The following ANKS1B variants were observed in gnomAD, a reference collection of about 807,000 sequenced individuals.
The protein encoded by ANKS1B is ankyrin repeat and sterile alpha motif domain containing 1B, also known as ankyrin repeat and sterile alpha motif domain-containing protein 1B.
A neutral mutation model predicts 148.3 loss-of-function variants in ANKS1B; 36 were observed. The observed-to-expected ratio is 0.24, with a 90% confidence interval of 0.19 to 0.32. The LOEUF is 0.32. ANKS1B is among the 10% of genes least tolerant of loss of function. ANKS1B has a pLI of 1.00. For synonymous variants in ANKS1B, 542 were observed against 560.8 expected (o/e 0.97, Z 0.47); for missense variants, 1,157 against 1,542.6 (o/e 0.75, Z 4.19).
At chr12:99,979,656 G>C (rs1461561732) in intron 1 of ANKS1B, among the ~76,000 whole-genome samples, 1 of 152,078 alleles carries the variant, frequency 6.6e-6, no homozygotes, top group Non-Finnish European at 1.5e-5. Context: ...ATGGCTCACT[G>C]CCAGAAACAA....
At chr12:99,554,729 T>A (rs1032694575) in intron 9 of ANKS1B, among the ~76,000 whole-genome samples, 2 of 152,170 alleles carry the variant, frequency 1.3e-5, no homozygotes, top group Non-Finnish European at 2.9e-5. Flanking sequence ...CAAGGTTACA[T>A]GTGCAGTTTT....
intron 1 of ANKS1B, among the ~76,000 whole-genome samples, chr12:99,983,716 A>C (rs999683849): frequency 2.0e-5 from 3 of 152,220 alleles, no homozygotes; most frequent in African/African-American, 7.2e-5. Flanking sequence ...CATGCACGCA[A>C]GAGATTCTCT....
At chr12:99,891,798 A>G (rs2093125206) in intron 1 of ANKS1B, among the ~76,000 whole-genome samples, 1 of 152,146 alleles carries the variant, frequency 6.6e-6, no homozygotes, top group African/African-American at 2.4e-5. Context: ...ATGCTTTTAG[A>G]AAAAAATCTT....
rs376636634 is a variant in ANKS1B, at chr12:99,839,851, AG to A, written c.135-14463del. On this transcript the variant is annotated intron_variant, in intron 1 of 26. Transcript: ENST00000683438. ...TATTGCCTTGTTATTTTAATTCCTAAGTAATTTAGTTCTTTATTACTATTCC... is the reference window on the plus strand; with the variant it reads ...TATTGCCTTGTTATTTTAATTCCTAATAATTTAGTTCTTTATTACTATTCC... 8.0e-3 allele frequency among the ~76,000 whole-genome samples: 1,211 copies of A among 152,248 alleles called. 60 individuals are homozygous for A. The South Asian group carries it at 0.15, about 19-fold the overall frequency.
At chr12:99,371,653 C>T (rs1018583043) in intron 12 of ANKS1B, among the ~76,000 whole-genome samples, 1 of 152,054 alleles carries the variant, frequency 6.6e-6, no homozygotes, top group Non-Finnish European at 1.5e-5. Context: ...AATGTACTCC[C>T]TCATCTGTGA....
At chr12:99,130,324 T>C (rs760928669) in intron 15 of ANKS1B, among the ~76,000 whole-genome samples, 4 of 152,240 alleles carry the variant, frequency 2.6e-5, no homozygotes, top group Non-Finnish European at 5.9e-5. Flanking sequence ...ATTGATTTTT[T>C]TTCTTCTGCA....
chr12:99,443,836 A>G, intron 10 of ANKS1B, 27 bp from the exon 11 acceptor site: 2 of 1,589,790 alleles, frequency 1.3e-6, no homozygotes, highest in Non-Finnish European at 1.7e-6. Context: ...AACTGCCATG[A>G]ACCTAATCAC....
Position 99,984,249 on chromosome 12 carries a change from G to T in ANKS1B, c.-12C>A. The T allele has an allele frequency of 6.2e-7, 1 of 1,610,318 alleles. No homozygotes were observed. The highest frequency in any genetic ancestry group is 8.5e-7 in the Non-Finnish European group (1 of 1,178,008). On this transcript the variant is annotated 5_prime_UTR_variant, in exon 1 of 27. Transcript: ENST00000683438. ...TGGTCCTTCCCCATAGTCTCTCACC[G>T]ACTCCCCCACAGAGTCCTTGCCCCC...
chr12:99,289,318 G>A (rs2079579944), intron 12 of ANKS1B, among the ~76,000 whole-genome samples: 1 of 151,970 alleles, frequency 6.6e-6, no homozygotes, highest in African/African-American at 2.4e-5. Context: ...TACAATAACA[G>A]CTGGAGGCAT....
At chr12:99,297,989 C>A (rs531274841) in intron 12 of ANKS1B, among the ~76,000 whole-genome samples, 1 of 151,658 alleles carries the variant, frequency 6.6e-6, no homozygotes, top group Non-Finnish European at 1.5e-5. Flanking sequence ...TGTGTCTGTA[C>A]GTGTGGCCTT....
intron 16 of ANKS1B, chr12:99,083,916 T>C (rs1399449467): frequency 1.3e-5 from 2 of 152,098 alleles, no homozygotes; most frequent in Non-Finnish European, 2.9e-5. Flanking sequence ...CTGAAATGCA[T>C]TTTCCTTTCC....
chr12:98,907,152 A>C (rs1389459785), intron 17 of ANKS1B, among the ~76,000 whole-genome samples: 5 of 152,102 alleles, frequency 3.3e-5, no homozygotes, highest in Non-Finnish European at 4.4e-5. Context: ...GGTCTCCTGA[A>C]CTTATTCATA....
chr12:99,738,984 A>C (rs915768905), intron 8 of ANKS1B, among the ~76,000 whole-genome samples: 1 of 152,042 alleles, frequency 6.6e-6, no homozygotes, highest in Admixed American at 6.6e-5. Context: ...TACTCTGTGG[A>C]ATATTAAGTC....
chr12:99,878,700 G>A (rs999812667), intron 1 of ANKS1B, among the ~76,000 whole-genome samples: 8 of 152,028 alleles, frequency 5.3e-5, no homozygotes, highest in African/African-American at 1.7e-4. Flanking sequence ...TGCTGAATGT[G>A]CAGGTTTGTT....
intron 10 of ANKS1B, among the ~76,000 whole-genome samples, chr12:99,496,304 G>A (rs138673007): frequency 3.4e-4 from 52 of 152,236 alleles, no homozygotes; most frequent in Middle Eastern, 3.4e-3. Context: ...GATGACACCT[G>A]GCTATTTCAT....
chr12:99,680,803 G>A (rs377599996), intron 8 of ANKS1B, among the ~76,000 whole-genome samples: 1 of 152,100 alleles, frequency 6.6e-6, no homozygotes, highest in African/African-American at 2.4e-5. Context: ...CAGTGCTATT[G>A]GAGGGGCGTG....
intron 9 of ANKS1B, among the ~76,000 whole-genome samples, chr12:99,510,253 G>A (rs1419329205): frequency 6.6e-6 from 1 of 151,970 alleles, no homozygotes; most frequent in African/African-American, 2.4e-5. Flanking sequence ...AGAGTCTCAA[G>A]TCTTATTATT....
intron 12 of ANKS1B, among the ~76,000 whole-genome samples, chr12:99,280,278 G>A (rs554213002): frequency 6.6e-6 from 1 of 152,228 alleles, no homozygotes; most frequent in South Asian, 2.1e-4. Flanking sequence ...GAATGCTAGT[G>A]AGTAGACATG....
At position 99,825,344 on chromosome 12, in the gene ANKS1B, G is replaced by A. The variant is rs749037408; in HGVS notation, c.180C>T (p.Tyr60=). 7.4e-6 allele frequency: 12 copies of A among 1,612,778 alleles called. No homozygotes were observed. The highest frequency in any genetic ancestry group is 5.3e-5 in the African/African-American group (4 of 74,916). The change falls in exon 2 of 27, where the codon TAC becomes TAT. Residue 60 remains tyrosine (Y), a synonymous_variant. Coordinates refer to ENST00000683438, the MANE Select transcript of ANKS1B (RefSeq NM_001352186.2). ...TTAAGGCTGCGTGGTGTAAAGCAGT[G>A]TAACCCGAACTGTCTGTGCAGTTCA... The part of the protein sequence containing the change: ...PNVNCTDSSG[Y]TALHHAALNG...
Sources: gnomAD v4.1 joint callset for allele counts (sites outside exome capture counted in the v4.1 genomes callset) on GRCh38, gnomAD v4.1.1 for gene constraint, MANE v1.5 for transcripts, NCBI Gene and HGNC (gene_info 2026-07-23, HGNC 2026-07-21) for gene names.